KSR2: variants seen among roughly 807,000 people sequenced by gnomAD.
KSR2 encodes the protein kinase suppressor of ras 2.
Under a neutral mutation model 107.8 loss-of-function variants are expected in KSR2, and 25 were observed. That is an observed-to-expected ratio of 0.23 (90% CI 0.17 to 0.32). The LOEUF (loss-of-function observed/expected upper bound fraction) is 0.32. KSR2 is among the 10% of genes least tolerant of loss of function. The probability of loss-of-function intolerance (pLI) is 1.00; values close to 1 mark genes in which losing one functional copy is unlikely to be tolerated. For synonymous variants in KSR2, 480 were observed against 507.0 expected (o/e 0.95, Z 0.71); for missense variants, 887 against 1,268.9 (o/e 0.70, Z 4.57).
At chr12:117,798,892 A>T (rs1410804394) in intron 3 of KSR2, among the ~76,000 whole-genome samples, 1 of 152,220 alleles carries the variant, frequency 6.6e-6, no homozygotes, top group African/African-American at 2.4e-5. Context: ...ACAGTGGAAT[A>T]TTATTCAGCC....
intron 4 of KSR2, among the ~76,000 whole-genome samples, chr12:117,704,731 C>G (rs550737359): frequency 1.2e-4 from 18 of 152,060 alleles, no homozygotes; most frequent in Admixed American, 9.8e-4. Context: ...TGGTGGCACA[C>G]GCTTGTAGTC....
intron 13 of KSR2, among the ~76,000 whole-genome samples, chr12:117,526,773 A>AC (rs370119950): frequency 8.5e-4 from 130 of 152,330 alleles, no homozygotes; most frequent in African/African-American, 2.9e-3. Flanking sequence ...GCAGCGGGGC[A>AC]CATCCCCCTT....
intron 14 of KSR2, among the ~76,000 whole-genome samples, chr12:117,506,287 C>A (rs1330986659): frequency 6.6e-6 from 1 of 152,180 alleles, no homozygotes; most frequent in Non-Finnish European, 1.5e-5. Context: ...TGAATTATTT[C>A]AACCAGGCAG....
intron 7 of KSR2, among the ~76,000 whole-genome samples, chr12:117,561,367 G>C (rs1189247194): frequency 6.6e-6 from 1 of 152,192 alleles, no homozygotes; most frequent in Non-Finnish European, 1.5e-5. Flanking sequence ...GAACTAACAT[G>C]TTTGATGTGT....
intron 14 of KSR2, among the ~76,000 whole-genome samples, chr12:117,496,551 T>C (rs2137166329): frequency 6.6e-6 from 1 of 152,358 alleles, no homozygotes; most frequent in East Asian, 1.9e-4. Context: ...TATCACTTAA[T>C]AGCTTTTGTT....
At chr12:117,633,464 G>C (rs901990167) in intron 5 of KSR2, among the ~76,000 whole-genome samples, 1 of 152,200 alleles carries the variant, frequency 6.6e-6, no homozygotes, top group African/African-American at 2.4e-5. Context: ...ATCACAAACC[G>C]TGTGCCTTAA....
intron 5 of KSR2, among the ~76,000 whole-genome samples, chr12:117,629,279 C>T (rs531914351): frequency 1.5e-4 from 23 of 152,318 alleles, no homozygotes; most frequent in East Asian, 5.8e-4. Context: ...CCGTCTTCTG[C>T]GTCGATCATG....
At chr12:117,658,645 A>G (rs1884289094) in intron 5 of KSR2, among the ~76,000 whole-genome samples, 1 of 152,186 alleles carries the variant, frequency 6.6e-6, no homozygotes, top group Admixed American at 6.5e-5. Flanking sequence ...ACTCAACAAG[A>G]CATGGAAGAT....
At chr12:117,892,554 A>C (rs1818133622) in intron 1 of KSR2, among the ~76,000 whole-genome samples, 1 of 152,102 alleles carries the variant, frequency 6.6e-6, no homozygotes, top group Non-Finnish European at 1.5e-5. Context: ...CCTATATACC[A>C]AAAGTCAGCA....
chr12:117,901,795 G>C (rs559003817), intron 1 of KSR2, among the ~76,000 whole-genome samples: 1 of 152,234 alleles, frequency 6.6e-6, no homozygotes, highest in African/African-American at 2.4e-5. Flanking sequence ...ATGCCGCTGG[G>C]TGGGTTTACG....
intron 5 of KSR2, among the ~76,000 whole-genome samples, chr12:117,632,681 C>T (rs1882866311): frequency 6.6e-6 from 1 of 152,080 alleles, no homozygotes; most frequent in Admixed American, 6.5e-5. Context: ...CGATCCTCTC[C>T]CTCCTCCCAC....
chr12:117,558,495 T>C lies in KSR2; in HGVS notation c.1393+11A>G. 1 of 1,613,404 alleles carries C rather than the reference T, an allele frequency of 6.2e-7. No individual in the cohort carries two copies. Among genetic ancestry groups the C allele is most frequent in the East Asian group, 2.2e-5 (1 of 44,874 alleles). On this transcript the variant is annotated intron_variant, in intron 8 of 19. Coordinates refer to ENST00000339824, the MANE Select transcript of KSR2 (RefSeq NM_173598.6). ...CCCCTGCCCCTAGGGCAGTAAGTGTTAAATAGTTACCTCCTCGGTGGATGA... is the reference window on the plus strand; with the variant it reads ...CCCCTGCCCCTAGGGCAGTAAGTGTCAAATAGTTACCTCCTCGGTGGATGA...
At chr12:117,862,895 A>G (rs1187634685) in intron 1 of KSR2, among the ~76,000 whole-genome samples, 2 of 151,784 alleles carry the variant, frequency 1.3e-5, no homozygotes, top group South Asian at 2.1e-4. Flanking sequence ...ACGCCTGGCT[A>G]ATTTTCTGCA....
chr12:117,906,664 T>C (rs1894860115), intron 1 of KSR2, among the ~76,000 whole-genome samples: 1 of 152,154 alleles, frequency 6.6e-6, no homozygotes, highest in Admixed American at 6.5e-5. Context: ...TACAATCTTT[T>C]GATGTGCTCA....
chr12:117,667,124 C>T (rs778528628), intron 5 of KSR2, among the ~76,000 whole-genome samples: 3 of 152,128 alleles, frequency 2.0e-5, no homozygotes, highest in Non-Finnish European at 1.5e-5. Flanking sequence ...GAGAGACAGC[C>T]GGGAAGAGGG....
intron 3 of KSR2, among the ~76,000 whole-genome samples, chr12:117,789,715 A>G (rs1890192244): frequency 6.6e-6 from 1 of 152,172 alleles, no homozygotes; most frequent in Admixed American, 6.5e-5. Context: ...GCTTGAGGGA[A>G]GCCCCTCCCC....
intron 14 of KSR2, among the ~76,000 whole-genome samples, chr12:117,512,041 C>A (rs763284404): frequency 6.6e-6 from 1 of 152,220 alleles, no homozygotes; most frequent in African/African-American, 2.4e-5. Context: ...CAACTGAACC[C>A]TAGCCCTACA....
intron 4 of KSR2, among the ~76,000 whole-genome samples, chr12:117,677,947 G>T (rs11068618): frequency 0.21 from 28,842 of 138,696 alleles, 3,241 homozygotes; most frequent in South Asian, 0.29. Context: ...CTCCTTTTTT[G>T]TTTTTGAGAC....
intron 4 of KSR2, among the ~76,000 whole-genome samples, chr12:117,701,796 A>C (rs1458102744): frequency 6.6e-6 from 1 of 152,156 alleles, no homozygotes; most frequent in Non-Finnish European, 1.5e-5. Flanking sequence ...AAGCCAAGGA[A>C]TGTCAAGGAT....
Sources: gnomAD v4.1 joint callset for allele counts (sites outside exome capture counted in the v4.1 genomes callset) on GRCh38, gnomAD v4.1.1 for gene constraint, MANE v1.5 for transcripts, NCBI Gene and HGNC (gene_info 2026-07-23, HGNC 2026-07-21) for gene names.